NOVA1: variants seen among roughly 807,000 people sequenced by gnomAD.
NOVA1 encodes RNA-binding protein Nova-1.
NOVA1 carries 7 observed loss-of-function variants against 38.0 expected under a neutral mutation model. That is an observed-to-expected ratio of 0.18 (90% confidence interval 0.10 to 0.35). NOVA1 has a LOEUF of 0.35. Among genes scored for constraint, NOVA1 ranks in the 10% least tolerant of loss-of-function variants. NOVA1 has a pLI of 1.00. For synonymous variants in NOVA1, 270 were observed against 232.5 expected, an observed-to-expected ratio of 1.16 and a Z score of -1.47; for missense variants, 460 against 616.0, an observed-to-expected ratio of 0.75 and a Z score of 2.68.
At chr14:26,536,956 T>C (rs1044662772) in intron 2 of NOVA1, among the ~76,000 whole-genome samples, 3 of 152,140 alleles carry the variant, frequency 2.0e-5, no homozygotes, top group Non-Finnish European at 4.4e-5. Flanking sequence ...TTCTGGAGCA[T>C]AATTTGGCAA....
rs1320048635 is a variant in NOVA1 at position 26,443,966 on chromosome 14, C to T, written c.*3993G>A. On this transcript the variant is annotated 3_prime_UTR_variant, in exon 5 of 5. Transcript: ENST00000539517. ...TTATATTTTCATCTCTCAATTGCTG[C>T]CTTCGAAAGCAAGAATTCCCTTCTT... 2 of 151,870 alleles carry T rather than the reference C, an allele frequency of 1.3e-5. No individual in the cohort carries two copies. Among genetic ancestry groups the T allele is most frequent in the Non-Finnish European group, 2.9e-5 (2 of 67,948 alleles). The allele number at this position is 151,870 out of a possible 1,614,324, so 9.4% of individuals were successfully genotyped here. A position where few individuals can be genotyped will look rare whatever the true frequency, so the allele number is the denominator to read the frequency against.
At chr14:26,524,384 T>C (rs575604856) in intron 2 of NOVA1, among the ~76,000 whole-genome samples, 13 of 152,288 alleles carry the variant, frequency 8.5e-5, no homozygotes, top group African/African-American at 2.9e-4. Flanking sequence ...AAGAGTTTTC[T>C]TGTAAGTTCA....
intron 2 of NOVA1, among the ~76,000 whole-genome samples, chr14:26,575,932 C>T (rs1218227649): frequency 6.6e-6 from 1 of 151,858 alleles, no homozygotes; most frequent in Non-Finnish European, 1.5e-5. Flanking sequence ...GATAAATGAA[C>T]TCTATCAACC....
At chr14:26,533,296 G>A (rs1049954770) in intron 2 of NOVA1, among the ~76,000 whole-genome samples, 1 of 152,050 alleles carries the variant, frequency 6.6e-6, no homozygotes, top group Non-Finnish European at 1.5e-5. Context: ...CCTCGCTTAG[G>A]AGCCACTTAT....
chr14:26,459,127 T>C (rs1291285493), intron 4 of NOVA1, among the ~76,000 whole-genome samples: 3 of 152,092 alleles, frequency 2.0e-5, no homozygotes, highest in South Asian at 4.1e-4. Flanking sequence ...TTTCCAGCTC[T>C]GGGTGAATGA....
chr14:26,527,332 G>A (rs887702624), intron 2 of NOVA1, among the ~76,000 whole-genome samples: 6 of 152,004 alleles, frequency 3.9e-5, no homozygotes, highest in East Asian at 1.9e-4. Flanking sequence ...TCTTGTTCAT[G>A]ATTCATGTTG....
At chr14:26,596,010 GC>G in intron 1 of NOVA1, 1 of 318,982 alleles carries the variant, frequency 3.1e-6, no homozygotes, top group South Asian at 2.8e-5. Context: ...TTTGTCATTA[GC>G]AGACACATAA....
chr14:26,512,730 A>G (rs1326017872), intron 2 of NOVA1, among the ~76,000 whole-genome samples: 1 of 152,094 alleles, frequency 6.6e-6, no homozygotes, highest in African/African-American at 2.4e-5. Flanking sequence ...TTGTGGCTTC[A>G]CTGGCTATAC....
intron 2 of NOVA1, among the ~76,000 whole-genome samples, chr14:26,582,293 T>C (rs1893272863): frequency 6.6e-6 from 1 of 151,838 alleles, no homozygotes; most frequent in Non-Finnish European, 1.5e-5. Context: ...CAATGCAGTA[T>C]CTACTTATTT....
chr14:26,468,999 G>A lies in NOVA1; in HGVS notation c.519+3321C>T, dbSNP rs561244560. 9.9e-5 allele frequency among the ~76,000 whole-genome samples: 15 copies of A among 152,250 alleles called. 1 individual carries two copies. Among genetic ancestry groups the A allele is most frequent in the East Asian group, 7.7e-4 (4 of 5,176 alleles). On this transcript the variant is annotated intron_variant, in intron 4 of 4. Transcript: ENST00000539517. ...CTTAATGGAGTGACTGAGTAACTTAGTATTAATAACTTAGAACTGATTGAA... is the reference window on the plus strand; with the variant it reads ...CTTAATGGAGTGACTGAGTAACTTAATATTAATAACTTAGAACTGATTGAA...
intron 4 of NOVA1, 90 bp downstream of exon 4, chr14:26,472,230 A>G (rs754849442): frequency 1.9e-5 from 15 of 784,542 alleles, no homozygotes; most frequent in African/African-American, 8.5e-5. Flanking sequence ...GAATGAACGA[A>G]TAAATCCTTA....
intron 2 of NOVA1, among the ~76,000 whole-genome samples, chr14:26,588,985 TA>T (rs1281509532): frequency 2.0e-5 from 3 of 151,080 alleles, no homozygotes; most frequent in Non-Finnish European, 4.4e-5. Flanking sequence ...ATACATAGTT[TA>T]CAAAACAAAA....
At chr14:26,468,150 T>C (rs979425216) in intron 4 of NOVA1, among the ~76,000 whole-genome samples, 3 of 152,138 alleles carry the variant, frequency 2.0e-5, no homozygotes, top group South Asian at 2.1e-4. Flanking sequence ...GCACACAATG[T>C]GGAGAGATTC....
chr14:26,533,092 A>C (rs1027333276), intron 2 of NOVA1, among the ~76,000 whole-genome samples: 7 of 152,206 alleles, frequency 4.6e-5, no homozygotes, highest in Non-Finnish European at 1.0e-4. Context: ...TAAGTCTTTC[A>C]AATGAAATCA....
At chr14:26,578,534 T>C (rs1893008921) in intron 2 of NOVA1, among the ~76,000 whole-genome samples, 3 of 152,104 alleles carry the variant, frequency 2.0e-5, no homozygotes, top group South Asian at 2.1e-4. Flanking sequence ...GCTAGGCACA[T>C]AGTTTAACAA....
At position 26,525,016 on chromosome 14, in the gene NOVA1, T is replaced by C. The variant is rs900258115; in HGVS notation, c.281-44873A>G. On this transcript the variant is annotated intron_variant, in intron 2 of 4. Transcript: ENST00000539517. ...AGTTCAGAAATTCCAAAAACAAAAA[T>C]AATTTCACATATACTTCTTGGGAAA... Among the ~76,000 whole-genome samples the C allele has an allele frequency of 5.3e-5, 8 of 152,120 alleles. 1 individual carries two copies. The highest frequency in any genetic ancestry group is 1.0e-4 in the Non-Finnish European group (7 of 67,990).
chr14:26,475,032 C>A (rs1390538923), intron 3 of NOVA1, among the ~76,000 whole-genome samples: 2 of 151,830 alleles, frequency 1.3e-5, no homozygotes. Flanking sequence ...TAAAGTAATA[C>A]TTGTAAAAGA....
intron 2 of NOVA1, among the ~76,000 whole-genome samples, chr14:26,492,963 A>T (rs1326267579): frequency 6.6e-6 from 1 of 152,118 alleles, no homozygotes; most frequent in Non-Finnish European, 1.5e-5. Context: ...AATTAAAAAT[A>T]AGTAAATAGC....
chr14:26,448,298 G>T lies in NOVA1; in HGVS notation c.1185C>A (p.Thr395=). Residue 395 remains threonine, a synonymous_variant, in exon 5 of 5, where the codon ACC becomes ACA. Coordinates refer to ENST00000539517, the MANE Select transcript of NOVA1 (RefSeq NM_002515.3). This position sits in a 1 kb window ranked among gnomAD's most constrained non-coding sequence, Gnocchi z 5.3. ...LGSLAAATAA[T]NGYFGAASPL... The stretch of plus-strand genomic sequence containing the variant: ...GAGAAGCAGCTCCAAAATATCCATT[G>T]GTTGCAGCAGTAGCAGCAGCCAGGC... 4.3e-6 allele frequency: 7 copies of T among 1,614,120 alleles called. No homozygotes were observed. Among genetic ancestry groups the T allele is most frequent in the Non-Finnish European group, 5.9e-6 (7 of 1,180,016 alleles).
Sources: allele counts gnomAD v4.1 joint callset (sites outside exome capture counted in the v4.1 genomes callset), GRCh38; gene constraint gnomAD v4.1.1; non-coding constraint Gnocchi (gnomAD v3.1); transcripts MANE v1.5; gene names NCBI Gene and HGNC (gene_info 2026-07-23, HGNC 2026-07-21).